Variants in C12orf42 observed in about 807,000 individuals in gnomAD.
The protein encoded by C12orf42 is chromosome 12 open reading frame 42, also known as uncharacterized protein C12orf42.
Under a neutral mutation model 21.6 loss-of-function variants are expected in C12orf42, and 25 were observed. That is an observed-to-expected ratio of 1.16 (90% CI 0.84 to 1.62). The LOEUF is 1.62. C12orf42 is among the 40% of genes most tolerant of loss of function. The pLI is 0.00. For synonymous variants in C12orf42, 174 were observed against 175.0 expected, an observed-to-expected ratio of 0.99 and a Z score of 0.05; for missense variants, 483 against 459.3, an observed-to-expected ratio of 1.05 and a Z score of -0.47.
intron 4 of C12orf42, among the ~76,000 whole-genome samples, chr12:103,338,848 G>A (rs2041941296): frequency 6.6e-6 from 1 of 152,102 alleles, no homozygotes; most frequent in Admixed American, 6.6e-5. Flanking sequence ...AGGAAGAGAG[G>A]AGCCATTTTG....
the C12orf42 span, among the ~76,000 whole-genome samples, chr12:103,227,649 A>G: frequency 1.3e-5 from 2 of 152,118 alleles, no homozygotes; most frequent in African/African-American, 4.8e-5. Context: ...CTTCCCCAGA[A>G]AAGCGGGACT....
At chr12:103,257,561 T>C (rs550983791) in intron 10 of C12orf42, among the ~76,000 whole-genome samples, 18 of 151,750 alleles carry the variant, frequency 1.2e-4, no homozygotes, top group Admixed American at 7.2e-4. Flanking sequence ...TGATAGAAAA[T>C]AATTAGAAAT....
At chr12:103,090,652 T>C in the C12orf42 span, among the ~76,000 whole-genome samples, 3 of 152,230 alleles carry the variant, frequency 2.0e-5, no homozygotes, top group African/African-American at 7.2e-5. Flanking sequence ...GGTTTGATTA[T>C]GAATATTCTC....
At chr12:103,259,875 G>T (rs1481765974) in intron 10 of C12orf42, among the ~76,000 whole-genome samples, 1 of 152,086 alleles carries the variant, frequency 6.6e-6, no homozygotes, top group African/African-American at 2.4e-5. Flanking sequence ...AACCATATAG[G>T]CAGGTACAAT....
the C12orf42 span, among the ~76,000 whole-genome samples, chr12:103,209,742 G>A: frequency 2.6e-5 from 4 of 152,174 alleles, no homozygotes; most frequent in Non-Finnish European, 4.4e-5. Flanking sequence ...TGATCCCTCC[G>A]CCTTGCTCTT....
intron 1 of C12orf42, among the ~76,000 whole-genome samples, chr12:103,490,201 T>C (rs1955104558): frequency 6.6e-6 from 1 of 152,222 alleles, no homozygotes; most frequent in Non-Finnish European, 1.5e-5. Context: ...TGTATTGCCA[T>C]TAAAATTTAA....
chr12:103,135,845 T>C, the C12orf42 span, among the ~76,000 whole-genome samples: 10 of 152,172 alleles, frequency 6.6e-5, no homozygotes, highest in Non-Finnish European at 1.3e-4. Context: ...GACCATTTGA[T>C]AAAATTCAAC....
chr12:103,554,527 T>C, the C12orf42 span, among the ~76,000 whole-genome samples: 1 of 152,130 alleles, frequency 6.6e-6, no homozygotes, highest in Non-Finnish European at 1.5e-5. Flanking sequence ...GTGCATTAGT[T>C]TGTTTTCACA....
Position 103,338,676 on chromosome 12 carries a change from T to A in C12orf42, c.259+30211A>T, listed in dbSNP as rs556126400. Among the ~76,000 whole-genome samples the A allele has an allele frequency of 6.6e-5, 10 of 152,288 alleles. No homozygotes were observed. In the South Asian group the frequency reaches 2.1e-3, roughly 32 times the overall value. ...TCGCCCTTTTTTTTAGAGCATAGATTTATTCTATTGCCTACAGTTCCTGGG... is the reference window on the plus strand; with the variant it reads ...TCGCCCTTTTTTTTAGAGCATAGATATATTCTATTGCCTACAGTTCCTGGG... On this transcript the variant is annotated intron_variant, in intron 4 of 5. Coordinates refer to ENST00000548883, the MANE Select transcript of C12orf42 (RefSeq NM_198521.5).
chr12:103,175,871 G>T, the C12orf42 span, among the ~76,000 whole-genome samples: 1 of 151,944 alleles, frequency 6.6e-6, no homozygotes, highest in African/African-American at 2.4e-5. Flanking sequence ...GAGATGAAAG[G>T]GAGGACAAAG....
At chr12:103,279,845 C>G (rs1296598316) in intron 4 of C12orf42, among the ~76,000 whole-genome samples, 2 of 152,144 alleles carry the variant, frequency 1.3e-5, no homozygotes, top group Non-Finnish European at 2.9e-5. Flanking sequence ...GTAACCCAGA[C>G]ATAAGTTGTA....
At chr12:103,272,867 A>C (rs1326202210) in intron 5 of C12orf42, among the ~76,000 whole-genome samples, 1 of 152,208 alleles carries the variant, frequency 6.6e-6, no homozygotes, top group Non-Finnish European at 1.5e-5. Flanking sequence ...CCTGACTAGC[A>C]CATGATCTGC....
chr12:103,347,887 T>C (rs564114405), intron 4 of C12orf42, among the ~76,000 whole-genome samples: 2 of 152,272 alleles, frequency 1.3e-5, no homozygotes, highest in African/African-American at 4.8e-5. Flanking sequence ...CAACTGGGTA[T>C]AATATCATTG....
the C12orf42 span, among the ~76,000 whole-genome samples, chr12:103,143,432 T>C: frequency 5.9e-5 from 9 of 152,236 alleles, no homozygotes; most frequent in Admixed American, 5.9e-4. Context: ...CTCTTTCCTC[T>C]TTGCTCAGGT....
chr12:103,308,584 T>C (rs1350785966), intron 4 of C12orf42, among the ~76,000 whole-genome samples: 1 of 152,108 alleles, frequency 6.6e-6, no homozygotes, highest in African/African-American at 2.4e-5. Flanking sequence ...GAAGGATAAG[T>C]GTTTAGAGCT....
chr12:103,062,811 C>A, the C12orf42 span, among the ~76,000 whole-genome samples: 27 of 151,912 alleles, frequency 1.8e-4, 1 homozygote, highest in African/African-American at 6.5e-4. Flanking sequence ...TTTTACATTT[C>A]TAATAATTTT....
chr12:103,237,268 T>C (rs1173217596), downstream of C12orf42, among the ~76,000 whole-genome samples: 3 of 152,132 alleles, frequency 2.0e-5, no homozygotes, highest in Non-Finnish European at 2.9e-5. Context: ...CAATGGTGTG[T>C]GTGTGGCATT....
chr12:103,403,306 G>T (rs796379668), intron 2 of C12orf42, among the ~76,000 whole-genome samples: 2 of 151,746 alleles, frequency 1.3e-5, no homozygotes, highest in African/African-American at 4.8e-5. Context: ...AACCTGGGAG[G>T]CAGAGCTTGC....
intron 2 of C12orf42, among the ~76,000 whole-genome samples, chr12:103,418,984 A>G (rs1250076094): frequency 6.6e-6 from 1 of 152,156 alleles, no homozygotes; most frequent in Non-Finnish European, 1.5e-5. Flanking sequence ...CAGCTGTACT[A>G]GAGGGGAAAA....
Sources: allele counts gnomAD v4.1 joint callset (sites outside exome capture counted in the v4.1 genomes callset), GRCh38; gene constraint gnomAD v4.1.1; transcripts MANE v1.5; gene names NCBI Gene and HGNC (gene_info 2026-07-23, HGNC 2026-07-21).